SNTG2: variants seen among roughly 807,000 people sequenced by gnomAD.
SNTG2 encodes the protein syntrophin gamma 2, also known as gamma-2-syntrophin.
SNTG2 carries 74 observed loss-of-function variants against 70.9 expected under a neutral mutation model. The observed-to-expected ratio is 1.04, with a 90% CI of 0.86 to 1.27. The LOEUF is 1.27. SNTG2 is among the 50% of genes most tolerant of loss of function. The probability of loss-of-function intolerance (pLI) is 0.00; values close to 1 mark genes in which losing one functional copy is unlikely to be tolerated. For missense variants in SNTG2, 717 were observed against 690.7 expected (o/e 1.04, Z -0.43); for synonymous variants, 278 against 273.8 (o/e 1.02, Z -0.15).
intron 14 of SNTG2, among the ~76,000 whole-genome samples, chr2:1,285,066 C>G (rs1016779413): frequency 2.0e-5 from 3 of 152,016 alleles, no homozygotes; most frequent in Admixed American, 1.3e-4. Context: ...GAAGCCAGTC[C>G]GAGTCCCAAA....
At chr2:1,251,091 C>A (rs929671290) in intron 12 of SNTG2, among the ~76,000 whole-genome samples, 1 of 152,190 alleles carries the variant, frequency 6.6e-6, no homozygotes, top group Non-Finnish European at 1.5e-5. Context: ...AAAGGGTCAG[C>A]GAGGACCCGA....
At chr2:1,067,407 T>C (rs903204729) in intron 1 of SNTG2, among the ~76,000 whole-genome samples, 1 of 152,256 alleles carries the variant, frequency 6.6e-6, no homozygotes. Context: ...GAGCTGATTT[T>C]CATGGATCAC....
At chr2:955,496 T>C (rs1304421704) in intron 1 of SNTG2, among the ~76,000 whole-genome samples, 1 of 152,244 alleles carries the variant, frequency 6.6e-6, no homozygotes, top group Non-Finnish European at 1.5e-5. Context: ...ACTCAGCCAG[T>C]GGCAGTGGTC....
rs1394795435 is a variant in SNTG2 at position 1,237,887 on chromosome 2, G to C, written c.720-1G>C. The C allele has an allele frequency of 1.3e-6, 2 of 1,599,116 alleles. No homozygotes were observed. Among genetic ancestry groups the C allele is most frequent in the Middle Eastern group, 1.7e-4 (1 of 6,054 alleles). On this transcript the variant is annotated splice_acceptor_variant, in intron 9 of 16. Coordinates refer to ENST00000308624, the MANE Select transcript of SNTG2 (RefSeq NM_018968.4). LOFTEE classifies it high-confidence loss of function. Reference sequence around the variant, plus strand: ...TCCTGGACAGCTCTCTCCCTCCCCAGGTGGAATGCGTTCGAGGTGCTCGCC... The same window carrying C: ...TCCTGGACAGCTCTCTCCCTCCCCACGTGGAATGCGTTCGAGGTGCTCGCC...
chr2:1,030,639 G>C (rs145333508), intron 1 of SNTG2, among the ~76,000 whole-genome samples: 137 of 152,298 alleles, frequency 9.0e-4, no homozygotes, highest in African/African-American at 3.2e-3. Flanking sequence ...GCATGGTGAA[G>C]GGTACTGAGC....
At chr2:1,065,723 TTA>T (rs56159762) in intron 1 of SNTG2, among the ~76,000 whole-genome samples, 85,373 of 151,796 alleles carry the variant, frequency 0.56, 24,316 homozygotes, top group East Asian at 0.68. Flanking sequence ...AAATTTGCAG[TTA>T]TTTTTTGTAT....
intron 6 of SNTG2, 108 bp downstream of exon 6, chr2:1,137,917 A>G (rs1668502809): frequency 9.0e-7 from 1 of 1,105,402 alleles, no homozygotes; most frequent in South Asian, 1.3e-5. Context: ...CAGTGTTAGA[A>G]TTGGAAAGAA....
At chr2:956,364 G>C (rs1193786217) in intron 1 of SNTG2, among the ~76,000 whole-genome samples, 1 of 152,198 alleles carries the variant, frequency 6.6e-6, no homozygotes, top group African/African-American at 2.4e-5. Context: ...GAGCAGGGTT[G>C]TGTTCTGCCC....
rs4450633 is a variant in SNTG2 at position 1,135,596 on chromosome 2, T to C, written c.326-2026T>C. Reference sequence around the variant, plus strand: ...AATTGGCAGGGTGTGGTGGTGCATGTCTGTAATCCCAGCTACTTGGGAGGC... The same window carrying C: ...AATTGGCAGGGTGTGGTGGTGCATGCCTGTAATCCCAGCTACTTGGGAGGC... On this transcript the variant is annotated intron_variant, in intron 4 of 16. Transcript: ENST00000308624. 1.4e-3 allele frequency among the ~76,000 whole-genome samples: 219 copies of C among 152,170 alleles called. No homozygotes were observed. In the Middle Eastern group the frequency reaches 0.041, roughly 29 times the overall value.
chr2:1,087,512 G>A (rs143417633), intron 2 of SNTG2, among the ~76,000 whole-genome samples: 53 of 152,234 alleles, frequency 3.5e-4, no homozygotes, highest in Middle Eastern at 6.8e-3. Context: ...TTGCCACTCT[G>A]TTAGACTATA....
chr2:1,091,851 T>C (rs1665050625), intron 2 of SNTG2, among the ~76,000 whole-genome samples: 1 of 152,230 alleles, frequency 6.6e-6, no homozygotes. Flanking sequence ...CAAGTAACTC[T>C]TCTTAGTTTG....
At chr2:1,281,317 T>TA (rs374726576) in intron 14 of SNTG2, among the ~76,000 whole-genome samples, 4 of 6,414 alleles carry the variant, frequency 6.2e-4, no homozygotes, top group Non-Finnish European at 1.3e-3. Flanking sequence ...GGTGTGTGTG[T>TA]TTGTGTGGTG....
intron 6 of SNTG2, chr2:1,163,140 C>T (rs1471759960): frequency 1.3e-5 from 2 of 152,050 alleles, no homozygotes; most frequent in Admixed American, 6.6e-5. Context: ...GGAAGCATCC[C>T]AACAGGAAGT....
At chr2:1,228,659 G>T (rs1051812529) in intron 9 of SNTG2, among the ~76,000 whole-genome samples, 11 of 152,280 alleles carry the variant, frequency 7.2e-5, no homozygotes, top group African/African-American at 2.4e-4. Context: ...CTGTTGCTCC[G>T]TTCGTTGTCA....
intron 6 of SNTG2, among the ~76,000 whole-genome samples, chr2:1,154,497 G>A (rs1669725918): frequency 6.6e-6 from 1 of 152,162 alleles, no homozygotes; most frequent in Admixed American, 6.5e-5. Flanking sequence ...GTTGGGTGAA[G>A]GAGCAAGTGT....
At chr2:1,111,327 G>A (rs1487936327) in intron 4 of SNTG2, among the ~76,000 whole-genome samples, 1 of 152,210 alleles carries the variant, frequency 6.6e-6, no homozygotes, top group Admixed American at 6.5e-5. Flanking sequence ...TTTAAATTCT[G>A]AGTAACAAGA....
chr2:1,320,563 A>C (rs1281719296), intron 16 of SNTG2, among the ~76,000 whole-genome samples: 1 of 151,800 alleles, frequency 6.6e-6, no homozygotes. Context: ...GAAAGAAAAA[A>C]AGAAAAGAAA....
At position 1,298,429 on chromosome 2, in the gene SNTG2, C is replaced by T. The variant is rs147867733; in HGVS notation, c.1285-10065C>T. Among the ~76,000 whole-genome samples, 848 of 152,278 alleles carry T rather than the reference C, an allele frequency of 5.6e-3. 9 individuals are homozygous for T. Among genetic ancestry groups the T allele is most frequent in the Non-Finnish European group, 1.0e-2 (677 of 68,026 alleles). ...GATTACAGGTGAGAGCCACCACACC[C>T]GGCCTATACATTTAATTTAAAATAA... On this transcript the variant is annotated intron_variant, in intron 14 of 16. Coordinates refer to ENST00000308624, the MANE Select transcript of SNTG2 (RefSeq NM_018968.4).
chr2:1,230,998 ATCC>A (rs1362956805), intron 9 of SNTG2, among the ~76,000 whole-genome samples: 33 of 152,082 alleles, frequency 2.2e-4, no homozygotes, highest in African/African-American at 8.0e-4. Flanking sequence ...AGGGAAATAG[ATCC>A]GAAAGGTGAA....
Sources: gnomAD v4.1 joint callset for allele counts (sites outside exome capture counted in the v4.1 genomes callset) on GRCh38, gnomAD v4.1.1 for gene constraint, MANE v1.5 for transcripts, NCBI Gene and HGNC (gene_info 2026-07-23, HGNC 2026-07-21) for gene names.